SNAP91: variants seen among roughly 807,000 people sequenced by gnomAD.
SNAP91 encodes synaptosome associated protein 91, also known as clathrin coat assembly protein AP180.
SNAP91 carries 27 observed loss-of-function variants against 100.3 expected under a neutral mutation model. That is an observed-to-expected ratio of 0.27 (90% CI 0.20 to 0.37). SNAP91 has a LOEUF of 0.37. SNAP91 is among the 10% of genes least tolerant of loss of function. The pLI is 1.00. For synonymous variants in SNAP91, 404 were observed against 398.6 expected (o/e 1.01, Z -0.16); for missense variants, 986 against 1,123.7 (o/e 0.88, Z 1.75).
intron 22 of SNAP91, among the ~76,000 whole-genome samples, chr6:83,584,356 C>T (rs1409449854): frequency 1.3e-5 from 2 of 152,034 alleles, no homozygotes; most frequent in Non-Finnish European, 2.9e-5. Flanking sequence ...CATCTCATGG[C>T]TAGAAGAAAT....
intron 7 of SNAP91, among the ~76,000 whole-genome samples, chr6:83,642,589 T>G (rs1365312014): frequency 5.9e-5 from 9 of 152,230 alleles, no homozygotes; most frequent in Non-Finnish European, 1.3e-4. Flanking sequence ...CAGTCTATCA[T>G]TGTTGGACAT....
At chr6:83,603,144 A>C (rs778927193) in intron 14 of SNAP91, among the ~76,000 whole-genome samples, 9 of 152,172 alleles carry the variant, frequency 5.9e-5, no homozygotes, top group Non-Finnish European at 8.8e-5. Flanking sequence ...TTTCATTGTA[A>C]CTTGAGAGCT....
chr6:83,575,180 G>T, intron 25 of SNAP91, 59 bp from the exon 26 acceptor site: 1 of 1,138,290 alleles, frequency 8.8e-7, no homozygotes, highest in South Asian at 1.3e-5. Context: ...AGAAAAAAAT[G>T]GTGTGTGGCT....
At chr6:83,669,075 A>G (rs1488602866) in intron 2 of SNAP91, among the ~76,000 whole-genome samples, 2 of 152,048 alleles carry the variant, frequency 1.3e-5, no homozygotes, top group Admixed American at 1.3e-4. Context: ...CATGTAATTT[A>G]TTGAATACTG....
chr6:83,585,155 A>G lies in SNAP91; in HGVS notation c.2015-2799T>C, dbSNP rs555709939. Among the ~76,000 whole-genome samples the G allele has an allele frequency of 5.3e-5, 8 of 152,244 alleles. No homozygotes were observed. The South Asian group carries it at 1.7e-3, about 32-fold the overall frequency. On this transcript the variant is annotated intron_variant, in intron 22 of 29. Coordinates refer to ENST00000369694, the MANE Select transcript of SNAP91 (RefSeq NM_001242792.2). ...TAACTGAAAAGTTTTAGGGCCCTGG[A>G]ATAGAGTTAATAGGAAAACCTAAAC...
At chr6:83,688,941 G>GTC (rs1209952895) in intron 2 of SNAP91, among the ~76,000 whole-genome samples, 1 of 152,146 alleles carries the variant, frequency 6.6e-6, no homozygotes, top group East Asian at 1.9e-4. Context: ...AGAGGCTGCC[G>GTC]TGTCTTTTCT....
chr6:83,704,566 A>G (rs2099355752), intron 2 of SNAP91, among the ~76,000 whole-genome samples: 1 of 152,150 alleles, frequency 6.6e-6, no homozygotes, highest in Admixed American at 6.5e-5. Context: ...ATAAGTCACC[A>G]TGACTAACAA....
At chr6:83,622,849 A>G (rs1252290901) in intron 9 of SNAP91, among the ~76,000 whole-genome samples, 1 of 152,050 alleles carries the variant, frequency 6.6e-6, no homozygotes, top group African/African-American at 2.4e-5. Flanking sequence ...TAGGGGAGAC[A>G]AGTAGTTCAA....
At chr6:83,623,616 A>G (rs999050665) in intron 8 of SNAP91, among the ~76,000 whole-genome samples, 1 of 152,144 alleles carries the variant, frequency 6.6e-6, no homozygotes, top group Non-Finnish European at 1.5e-5. Context: ...ATAAAATGTA[A>G]TGGTATCCTT....
chr6:83,700,647 G>T (rs7751197), intron 2 of SNAP91, among the ~76,000 whole-genome samples: 15,592 of 151,930 alleles, frequency 0.1, 1,087 homozygotes, highest in African/African-American at 0.2. Flanking sequence ...TTTAGACAGG[G>T]TCTTGCTCTG....
intron 2 of SNAP91, among the ~76,000 whole-genome samples, chr6:83,701,249 TA>T (rs2099302235): frequency 6.6e-6 from 1 of 151,992 alleles, no homozygotes; most frequent in Non-Finnish European, 1.5e-5. Flanking sequence ...AAAATACTTA[TA>T]AGAGAGACAG....
At chr6:83,707,704 C>T in intron 2 of SNAP91, 94 bp downstream of exon 2, 1 of 1,502,912 alleles carries the variant, frequency 6.7e-7, no homozygotes, top group Non-Finnish European at 8.9e-7. Flanking sequence ...GTATCAGAGG[C>T]CACAGCATTA....
intron 7 of SNAP91, among the ~76,000 whole-genome samples, chr6:83,647,822 A>G (rs560617536): frequency 3.9e-5 from 6 of 152,266 alleles, no homozygotes; most frequent in African/African-American, 1.4e-4. Flanking sequence ...CACACACCAG[A>G]TAACTTGTAA....
chr6:83,613,507 G>C (rs563120321), intron 11 of SNAP91, among the ~76,000 whole-genome samples: 85 of 152,314 alleles, frequency 5.6e-4, no homozygotes, highest in African/African-American at 2.0e-3. Flanking sequence ...GAGAACCAGA[G>C]GTGCTCCAAT....
chr6:83,572,477 C>A (rs900550926), intron 26 of SNAP91, among the ~76,000 whole-genome samples: 1 of 152,070 alleles, frequency 6.6e-6, no homozygotes. Context: ...GTCTTGAACT[C>A]CTGACCTCAA....
intron 8 of SNAP91, among the ~76,000 whole-genome samples, chr6:83,629,186 A>G (rs187380029): frequency 2.6e-5 from 4 of 152,116 alleles, no homozygotes; most frequent in Non-Finnish European, 5.9e-5. Context: ...ATTTGGGTTT[A>G]CTTCTGGGTT....
At chr6:83,707,201 A>T (rs577083449) in intron 2 of SNAP91, among the ~76,000 whole-genome samples, 3 of 152,254 alleles carry the variant, frequency 2.0e-5, no homozygotes, top group East Asian at 1.9e-4. Flanking sequence ...CATAGCTATG[A>T]AGTCCAATTT....
chr6:83,571,991 A>G (rs1162227403), intron 26 of SNAP91, among the ~76,000 whole-genome samples: 1 of 152,152 alleles, frequency 6.6e-6, no homozygotes, highest in Non-Finnish European at 1.5e-5. Context: ...GCTGCTATCC[A>G]TGTAAGATAT....
intron 7 of SNAP91, among the ~76,000 whole-genome samples, chr6:83,653,991 A>G (rs760832918): frequency 1.3e-5 from 2 of 152,156 alleles, no homozygotes; most frequent in Non-Finnish European, 2.9e-5. Flanking sequence ...GTGCTCTGGC[A>G]TATTTCAAAA....
Sources: gnomAD v4.1 joint callset for allele counts (sites outside exome capture counted in the v4.1 genomes callset) on GRCh38, gnomAD v4.1.1 for gene constraint, MANE v1.5 for transcripts, NCBI Gene and HGNC (gene_info 2026-07-23, HGNC 2026-07-21) for gene names.